Variants in CSMD1 observed in about 807,000 individuals in gnomAD.
The protein encoded by CSMD1 is CUB and Sushi multiple domains 1.
Under a neutral mutation model 417.5 loss-of-function variants are expected in CSMD1, and 213 were observed. The observed-to-expected ratio is 0.51, with a 90% confidence interval of 0.46 to 0.57. The LOEUF is 0.57. Among genes scored for constraint, CSMD1 ranks in the 20% least tolerant of loss-of-function variants. CSMD1 has a pLI of 0.00. For synonymous variants in CSMD1, 2,862 were observed against 1,736.8 expected (o/e 1.65, Z -16.11); for missense variants, 6,923 against 4,529.7 (o/e 1.53, Z -15.17).
At chr8:4,174,950 C>G (rs1275870382) in intron 3 of CSMD1, among the ~76,000 whole-genome samples, 1 of 151,118 alleles carries the variant, frequency 6.6e-6, no homozygotes, top group Non-Finnish European at 1.5e-5. Context: ...ATATTGAAGT[C>G]TTTAAAATTA....
intron 6 of CSMD1, among the ~76,000 whole-genome samples, chr8:3,718,888 G>C (rs916456655): frequency 8.5e-5 from 13 of 152,056 alleles, no homozygotes; most frequent in African/African-American, 2.9e-4. Context: ...GTCTTGTAGT[G>C]ATCTATCGGT....
At chr8:4,902,699 G>T (rs572214715) in intron 1 of CSMD1, among the ~76,000 whole-genome samples, 1 of 151,974 alleles carries the variant, frequency 6.6e-6, no homozygotes, top group African/African-American at 2.4e-5. Context: ...ATACGCACAT[G>T]ATACAAAATT....
intron 12 of CSMD1, among the ~76,000 whole-genome samples, chr8:3,442,448 C>T (rs1027521187): frequency 6.6e-6 from 1 of 152,078 alleles, no homozygotes; most frequent in African/African-American, 2.4e-5. Context: ...TTTTTTATCT[C>T]TTATACAGTG....
At chr8:3,586,097 AAG>A (rs777444252) in intron 9 of CSMD1, 37 bp downstream of exon 9, 1 of 1,589,216 alleles carries the variant, frequency 6.3e-7, no homozygotes, top group Non-Finnish European at 8.6e-7. Flanking sequence ...ACCTTAAAGA[AAG>A]AGATAATCCA....
intron 23 of CSMD1, among the ~76,000 whole-genome samples, chr8:3,318,090 C>G (rs539402559): frequency 6.6e-6 from 1 of 152,228 alleles, no homozygotes; most frequent in African/African-American, 2.4e-5. Flanking sequence ...CGTGACCTAT[C>G]ACATTTGGCC....
At chr8:3,716,159 C>G (rs1303390250) in intron 6 of CSMD1, among the ~76,000 whole-genome samples, 1 of 152,168 alleles carries the variant, frequency 6.6e-6, no homozygotes, top group South Asian at 2.1e-4. Context: ...TCACTGGCCG[C>G]TCCTTGTTCA....
chr8:3,243,783 ATAT>A (rs922089098), intron 26 of CSMD1, among the ~76,000 whole-genome samples: 10 of 150,452 alleles, frequency 6.6e-5, no homozygotes, highest in East Asian at 1.9e-4. Context: ...TTTATATATA[ATAT>A]TGTCATTTAT....
Position 3,967,434 on chromosome 8 carries a change from T to TC in CSMD1, c.818+30468dup, listed in dbSNP as rs1376597021. On this transcript the variant is annotated intron_variant, in intron 5 of 69. Coordinates refer to ENST00000635120, the MANE Select transcript of CSMD1 (RefSeq NM_033225.6). ...GTATCACCTGATGCTTTCAAAGTCCTCATTCAGGATCTTTGCTAAAAGGAA... is the reference window on the plus strand; with the variant it reads ...GTATCACCTGATGCTTTCAAAGTCCTCCATTCAGGATCTTTGCTAAAAGGAA... Among the ~76,000 whole-genome samples, 3 of 143,858 alleles carry TC rather than the reference T, an allele frequency of 2.1e-5. No individual in the cohort carries two copies. In the East Asian group the frequency reaches 6.5e-4, roughly 31 times the overall value. 94.4% of individuals were successfully genotyped at this position (143,858 alleles called of 152,430 possible).
At chr8:3,206,612 GTA>G (rs1484132791) in intron 30 of CSMD1, among the ~76,000 whole-genome samples, 1 of 135,644 alleles carries the variant, frequency 7.4e-6, no homozygotes, top group Admixed American at 7.7e-5. Context: ...GTATGTGTGT[GTA>G]TGTGTGTGTG....
intron 10 of CSMD1, among the ~76,000 whole-genome samples, chr8:3,573,404 G>C (rs1800021872): frequency 6.6e-6 from 1 of 152,178 alleles, no homozygotes; most frequent in South Asian, 2.1e-4. Flanking sequence ...TGATGTCCCA[G>C]GGTACAACAC....
chr8:3,389,493 T>C (rs1191055498), intron 17 of CSMD1, among the ~76,000 whole-genome samples: 1 of 152,168 alleles, frequency 6.6e-6, no homozygotes, highest in Non-Finnish European at 1.5e-5. Flanking sequence ...CACTGATCTC[T>C]AGGTTTCTGG....
At chr8:3,534,179 G>C (rs939624390) in intron 10 of CSMD1, among the ~76,000 whole-genome samples, 1 of 152,146 alleles carries the variant, frequency 6.6e-6, no homozygotes, top group African/African-American at 2.4e-5. Context: ...ATCTCTTGGT[G>C]TTTCATCACT....
intron 1 of CSMD1, among the ~76,000 whole-genome samples, chr8:4,760,453 C>T (rs1477789478): frequency 2.0e-5 from 3 of 152,130 alleles, no homozygotes; most frequent in South Asian, 4.2e-4. Context: ...TTCCTAAATG[C>T]CTAATATGCT....
intron 12 of CSMD1, among the ~76,000 whole-genome samples, chr8:3,467,291 T>A (rs1816840405): frequency 6.6e-6 from 1 of 152,214 alleles, no homozygotes; most frequent in African/African-American, 2.4e-5. Context: ...GCTGCTGAGA[T>A]GAATTTACTG....
intron 1 of CSMD1, among the ~76,000 whole-genome samples, chr8:4,896,348 T>G (rs1804479396): frequency 6.6e-6 from 1 of 152,106 alleles, no homozygotes; most frequent in Non-Finnish European, 1.5e-5. Context: ...TCTGCATATT[T>G]GAGCTTAACA....
intron 12 of CSMD1, among the ~76,000 whole-genome samples, chr8:3,447,261 T>C (rs1212943507): frequency 6.6e-6 from 1 of 152,148 alleles, no homozygotes; most frequent in Non-Finnish European, 1.5e-5. Context: ...AGCACACTTT[T>C]TTATGACACA....
intron 26 of CSMD1, among the ~76,000 whole-genome samples, chr8:3,267,870 G>A (rs569455838): frequency 1.4e-4 from 22 of 152,224 alleles, no homozygotes; most frequent in African/African-American, 5.1e-4. Flanking sequence ...CAGGGCCATA[G>A]GGACCTGCAT....
intron 38 of CSMD1, among the ~76,000 whole-genome samples, chr8:3,160,633 T>C (rs1563097729): frequency 6.6e-6 from 1 of 152,208 alleles, no homozygotes; most frequent in African/African-American, 2.4e-5. Flanking sequence ...CAAGATGGTG[T>C]TATAATGTAA....
At chr8:3,966,732 G>GACACACACACAC (rs34929035) in intron 5 of CSMD1, among the ~76,000 whole-genome samples, 5 of 149,134 alleles carry the variant, frequency 3.4e-5, no homozygotes, top group African/African-American at 1.2e-4. Context: ...CACACACACA[G>GACACACACACAC]ACACACACAC....
Sources: allele counts gnomAD v4.1 joint callset (sites outside exome capture counted in the v4.1 genomes callset), GRCh38; gene constraint gnomAD v4.1.1; transcripts MANE v1.5; gene names NCBI Gene and HGNC (gene_info 2026-07-23, HGNC 2026-07-21).